The following RAB4B variants were observed in gnomAD, a reference collection of about 807,000 sequenced individuals.
RAB4B encodes RAB4B, member RAS oncogene family.
In RAB4B, 15 loss-of-function variants were observed where a neutral mutation model predicts 28.3. That is an observed-to-expected ratio of 0.53 (90% CI 0.35 to 0.82). The LOEUF (loss-of-function observed/expected upper bound fraction) is 0.82, where lower values mean the gene tolerates loss of function less well. Ranked by LOEUF, RAB4B falls within the 40% of genes least tolerant of loss-of-function variation. RAB4B has a pLI of 0.01. For synonymous variants in RAB4B, 108 were observed against 116.3 expected (o/e 0.93, Z 0.46); for missense variants, 244 against 288.5 (o/e 0.85, Z 1.12).
Position 40,789,501 on chromosome 19 carries a change from C to CTTT in RAB4B, c.*15+2542_*15+2544dup, listed in dbSNP as rs60806942. 1.0e-3 allele frequency among the ~76,000 whole-genome samples: 119 copies of CTTT among 116,556 alleles called. 2 individuals are homozygous for CTTT. The highest frequency in any genetic ancestry group is 2.1e-3 in the African/African-American group (55 of 26,324). 76.5% of individuals were successfully genotyped at this position (116,556 alleles called of 152,430 possible). ...ACAGGCGGGAGCCACCACGCCCAGC[C>CTTT]TTTTTTTTTTTTTTTTTTTTTGAGA... On this transcript the variant is annotated intron_variant, in intron 7 of 7. Coordinates refer to ENST00000357052, the MANE Select transcript of RAB4B (RefSeq NM_016154.5).
chr19:40,786,992 G>A lies in RAB4B; in HGVS notation c.*15+14G>A. 1 of 1,607,158 alleles carries A rather than the reference G, an allele frequency of 6.2e-7. No individual in the cohort carries two copies. The highest frequency in any genetic ancestry group is 8.5e-7 in the Non-Finnish European group (1 of 1,174,970). ...CTGTGGAGCCAGGTGGGACACTGGGGGCTTTAGGGAGGCAGGGCGGCCTCT... is the reference window on the plus strand; with the variant it reads ...CTGTGGAGCCAGGTGGGACACTGGGAGCTTTAGGGAGGCAGGGCGGCCTCT... On this transcript the variant is annotated intron_variant, in intron 7 of 7. Transcript: ENST00000357052.
chr19:40,788,446 A>G (rs377571641), intron 7 of RAB4B, among the ~76,000 whole-genome samples: 3 of 146,288 alleles, frequency 2.1e-5, no homozygotes, highest in African/African-American at 7.6e-5. Flanking sequence ...ACCATGCGCC[A>G]CTGCATTCCA....
At chr19:40,795,169 CAAAAAAAAAAA>C (rs1167818145) in intron 7 of RAB4B, among the ~76,000 whole-genome samples, 1 of 60,350 alleles carries the variant, frequency 1.7e-5, no homozygotes, top group Non-Finnish European at 3.1e-5. Context: ...GCTCCATCTC[CAAAAAAAAAAA>C]AAAAAAAAAA....
rs765339784 is a variant in RAB4B, at chr19:40,790,347, CCTCT to C, written c.*15+3374_*15+3377del. Among the ~76,000 whole-genome samples the C allele has an allele frequency of 3.8e-4, 58 of 151,324 alleles. No individual in the cohort carries two copies. In the East Asian group the frequency reaches 7.0e-3, roughly 18 times the overall value. The stretch of plus-strand genomic sequence containing the variant: ...TAGACTCTCTGTCTTCCAGTCTTGG[CCTCT>C]CTCTTTTTTTTTTTTTTGGTTCCTG... On this transcript the variant is annotated intron_variant, in intron 7 of 7. Transcript: ENST00000357052.
Position 40,778,299 on chromosome 19 carries a change from G to A in RAB4B, c.-77G>A. The A allele has an allele frequency of 7.1e-7, 1 of 1,411,412 alleles. No individual in the cohort carries two copies. The highest frequency in any genetic ancestry group is 2.4e-5 in the Admixed American group (1 of 41,124). 87.4% of individuals were successfully genotyped at this position (1,411,412 alleles called of 1,614,324 possible). A position where few individuals can be genotyped will look rare whatever the true frequency, so the allele number is the denominator to read the frequency against. On this transcript the variant is annotated 5_prime_UTR_variant, in exon 1 of 8. Transcript: ENST00000357052. ...TAGGAAGGAGCCGGGGCTGTAGCCG[G>A]AGTGGAGCGGCTGCCAGCCGAGGAG...
chr19:40,784,998 A>G (rs560721469), intron 5 of RAB4B, among the ~76,000 whole-genome samples: 1 of 152,066 alleles, frequency 6.6e-6, no homozygotes, highest in Non-Finnish European at 1.5e-5. Context: ...TATTTTTAGT[A>G]GAGACGGGGT....
At chr19:40,786,499 A>T in intron 5 of RAB4B, 166 bp from the exon 6 acceptor site, 1 of 991,994 alleles carries the variant, frequency 1.0e-6, no homozygotes, top group Admixed American at 2.5e-5. Flanking sequence ...GGGTGGGCAT[A>T]TCGGGAAGCG....
intron 7 of RAB4B, chr19:40,794,762 T>TC: frequency 6.9e-6 from 1 of 144,424 alleles, no homozygotes; most frequent in East Asian, 2.2e-4. Context: ...TAAATAGAGA[T>TC]GAGGTCTCAC....
At chr19:40,778,831 AGTT>A (rs2083020807) in intron 1 of RAB4B, among the ~76,000 whole-genome samples, 2 of 151,806 alleles carry the variant, frequency 1.3e-5, no homozygotes, top group Admixed American at 1.3e-4. Flanking sequence ...GCTGTCCTTG[AGTT>A]AGGGGCAGGA....
At chr19:40,789,918 C>T (rs1313041981) in intron 7 of RAB4B, among the ~76,000 whole-genome samples, 3 of 152,176 alleles carry the variant, frequency 2.0e-5, no homozygotes, top group Non-Finnish European at 4.4e-5. Flanking sequence ...CTGGAGAGCA[C>T]AGCAACGCTT....
Sources: gnomAD v4.1 joint callset for allele counts (sites outside exome capture counted in the v4.1 genomes callset) on GRCh38, gnomAD v4.1.1 for gene constraint, MANE v1.5 for transcripts, NCBI Gene and HGNC (gene_info 2026-07-23, HGNC 2026-07-21) for gene names.